The following ANP32B variants were observed in gnomAD, a reference collection of about 807,000 sequenced individuals.
The protein encoded by ANP32B is acidic nuclear phosphoprotein 32 family member B, also known as acidic leucine-rich nuclear phosphoprotein 32 family member B.
Under a neutral mutation model 32.2 loss-of-function variants are expected in ANP32B, and 6 were observed. The observed-to-expected ratio is 0.19, with a 90% confidence interval of 0.10 to 0.37. The LOEUF (loss-of-function observed/expected upper bound fraction) is 0.37. Ranked by LOEUF, ANP32B falls within the 10% of genes least tolerant of loss-of-function variation. The pLI is 1.00. For synonymous variants in ANP32B, 98 were observed against 105.8 expected (o/e 0.93, Z 0.45); for missense variants, 204 against 289.2 (o/e 0.71, Z 2.14).
In ANP32B at chr9:97,988,691, C is replaced by G. The variant is rs556028231; in HGVS notation, c.54+5082C>G. ...AGTGAGCCAAGATAACACCACTTCACTCCAGCATAGGCAAAAGAGCGAGAC... is the reference window on the plus strand; with the variant it reads ...AGTGAGCCAAGATAACACCACTTCAGTCCAGCATAGGCAAAAGAGCGAGAC... On this transcript the variant is annotated intron_variant, in intron 1 of 6. Coordinates refer to ENST00000339399, the MANE Select transcript of ANP32B (RefSeq NM_006401.3). 3.9e-5 allele frequency among the ~76,000 whole-genome samples: 6 copies of G among 152,144 alleles called. No homozygotes were observed. In the South Asian group the frequency reaches 1.3e-3, roughly 32 times the overall value.
chr9:98,012,244 G>T (rs879897711), intron 5 of ANP32B, among the ~76,000 whole-genome samples, 177 bp from the exon 6 acceptor site: 1 of 152,138 alleles, frequency 6.6e-6, no homozygotes, highest in Non-Finnish European at 1.5e-5. Context: ...TATAAAGCTC[G>T]TTAAGGAAAA....
intron 1 of ANP32B, chr9:97,984,596 C>T (rs1218119612): frequency 2.7e-5 from 4 of 150,866 alleles, no homozygotes; most frequent in Non-Finnish European, 4.4e-5. Flanking sequence ...GGCGGGTGCC[C>T]GTCTCCCTGC....
intron 1 of ANP32B, 117 bp downstream of exon 1, chr9:97,983,726 TGGGCTCGGACGGGGAAGGCGGGC>T: frequency 1.3e-6 from 1 of 763,960 alleles, no homozygotes; most frequent in South Asian, 4.4e-5. Flanking sequence ...GCGCAGCTCG[TGGGCTCGGACGGGGAAGGCGGGC>T]GGGCGCGGAG....
rs1395045212 is a variant in ANP32B at position 97,996,931 on chromosome 9, G to GA, written c.205-1617dup. On this transcript the variant is annotated intron_variant, in intron 2 of 6. Transcript: ENST00000339399. Reference sequence around the variant, plus strand: ...TTGTTTTTAACAAGAAATAAGTACTGAAAAAAAATTGATGTGTAAATGTCA... The same window carrying GA: ...TTGTTTTTAACAAGAAATAAGTACTGAAAAAAAAATTGATGTGTAAATGTCA... Among the ~76,000 whole-genome samples the GA allele has an allele frequency of 4.6e-5, 7 of 151,636 alleles. No individual in the cohort carries two copies. In the South Asian group the frequency reaches 1.0e-3, roughly 22 times the overall value.
intron 6 of ANP32B, among the ~76,000 whole-genome samples, chr9:98,012,887 C>T (rs919303401): frequency 5.3e-5 from 8 of 152,222 alleles, no homozygotes; most frequent in Non-Finnish European, 7.3e-5. Context: ...CCTGCCACCA[C>T]GCCCAGCTAA....
chr9:97,984,902 C>T (rs1044707861), intron 1 of ANP32B, among the ~76,000 whole-genome samples: 1 of 151,074 alleles, frequency 6.6e-6, no homozygotes, highest in South Asian at 2.1e-4. Flanking sequence ...GGCCTCTGGC[C>T]TCCCACGTGC....
chr9:97,997,434 A>G (rs1827924274), intron 2 of ANP32B, among the ~76,000 whole-genome samples: 1 of 152,212 alleles, frequency 6.6e-6, no homozygotes, highest in South Asian at 2.1e-4. Context: ...CAAAAACTTC[A>G]TTACATGAAG....
At chr9:98,002,044 A>T (rs1440710926) in intron 3 of ANP32B, among the ~76,000 whole-genome samples, 7 of 152,186 alleles carry the variant, frequency 4.6e-5, no homozygotes. Flanking sequence ...TGGCACTCAG[A>T]TTCCTGGCGG....
At chr9:98,003,884 T>C (rs117619475) in intron 3 of ANP32B, among the ~76,000 whole-genome samples, 3 of 152,322 alleles carry the variant, frequency 2.0e-5, no homozygotes, top group East Asian at 3.9e-4. Flanking sequence ...TATGTAGTTA[T>C]TGCCCCTATT....
chr9:98,005,878 A>C (rs942262003), intron 4 of ANP32B, among the ~76,000 whole-genome samples: 2 of 152,144 alleles, frequency 1.3e-5, no homozygotes, highest in Non-Finnish European at 2.9e-5. Flanking sequence ...CTACTCCATG[A>C]CCTGTTAGAA....
intron 5 of ANP32B, 74 bp downstream of exon 5, chr9:98,011,463 A>C: frequency 6.6e-7 from 1 of 1,523,194 alleles, no homozygotes; most frequent in Non-Finnish European, 8.8e-7. Context: ...AAAGATGACA[A>C]AAGAAAAGAA....
At chr9:97,990,790 C>G (rs530428203) in intron 1 of ANP32B, among the ~76,000 whole-genome samples, 130 of 149,538 alleles carry the variant, frequency 8.7e-4, no homozygotes, top group Non-Finnish European at 1.1e-3. Flanking sequence ...TTTTAATATG[C>G]ACTTTTACTG....
chr9:97,989,995 A>T (rs1257509034), intron 1 of ANP32B, among the ~76,000 whole-genome samples: 1 of 152,198 alleles, frequency 6.6e-6, no homozygotes, highest in African/African-American at 2.4e-5. Flanking sequence ...GCCAAGAGTA[A>T]ACCTCTGGTA....
At chr9:97,984,756 C>T (rs1827679267) in intron 1 of ANP32B, 2 of 149,976 alleles carry the variant, frequency 1.3e-5, no homozygotes, top group Admixed American at 6.6e-5. Context: ...GCCGCGGCCG[C>T]CGCCGACTCA....
At chr9:98,008,209 A>C (rs1356323469) in intron 4 of ANP32B, among the ~76,000 whole-genome samples, 1 of 152,052 alleles carries the variant, frequency 6.6e-6, no homozygotes, top group Non-Finnish European at 1.5e-5. Flanking sequence ...CCCCACTTAC[A>C]AGTGAGAACA....
chr9:97,991,549 A>G (rs1420436233), intron 1 of ANP32B, among the ~76,000 whole-genome samples: 1 of 152,238 alleles, frequency 6.6e-6, no homozygotes, highest in African/African-American at 2.4e-5. Context: ...AGAACAAGAT[A>G]AATGCAAATA....
chr9:97,990,073 T>G (rs1475770680), intron 1 of ANP32B, among the ~76,000 whole-genome samples: 1 of 152,218 alleles, frequency 6.6e-6, no homozygotes, highest in Non-Finnish European at 1.5e-5. Context: ...AGACAGACAT[T>G]GTAAACTTGA....
intron 3 of ANP32B, 111 bp from the exon 4 acceptor site, chr9:98,004,849 CTGAG>C (rs1828051411): frequency 1.4e-6 from 1 of 734,496 alleles, no homozygotes; most frequent in African/African-American, 1.8e-5. Context: ...ATATATGAGG[CTGAG>C]TGGGTAGTGG....
At chr9:98,010,821 AC>A (rs1564141623) in intron 4 of ANP32B, among the ~76,000 whole-genome samples, 1 of 146,308 alleles carries the variant, frequency 6.8e-6, no homozygotes, top group Non-Finnish European at 1.5e-5. Flanking sequence ...TGGTAATGAT[AC>A]CCAAGAGAAG....
Sources: gnomAD v4.1 joint callset for allele counts (sites outside exome capture counted in the v4.1 genomes callset) on GRCh38, gnomAD v4.1.1 for gene constraint, MANE v1.5 for transcripts, NCBI Gene and HGNC (gene_info 2026-07-23, HGNC 2026-07-21) for gene names.